The following CPEB3 variants were observed in gnomAD, a reference collection of about 807,000 sequenced individuals.
The protein encoded by CPEB3 is cytoplasmic polyadenylation element-binding protein 3.
A neutral mutation model predicts 67.2 loss-of-function variants in CPEB3; 20 were observed. The ratio of observed to expected loss-of-function variants is 0.30; its 90% CI spans 0.21 to 0.43. The LOEUF (loss-of-function observed/expected upper bound fraction) is 0.43, where lower values mean the gene tolerates loss of function less well. Ranked by LOEUF, CPEB3 falls within the 20% of genes least tolerant of loss-of-function variation. The pLI, the probability that CPEB3 is intolerant of heterozygous loss-of-function variation, is 1.00. For synonymous variants in CPEB3, 376 were observed against 393.1 expected (o/e 0.96, Z 0.51); for missense variants, 746 against 968.6 (o/e 0.77, Z 3.05).
chr10:92,289,732 A>AAAAAAAAATATATATAT, intron 1 of CPEB3, among the ~76,000 whole-genome samples: 2 of 75,766 alleles, frequency 2.6e-5, no homozygotes, highest in African/African-American at 5.1e-5. Flanking sequence ...AAAAAAAAAA[A>AAAAAAAAATATATATAT]ATATATATAT....
intron 1 of CPEB3, among the ~76,000 whole-genome samples, chr10:92,279,774 G>T (rs1842173142): frequency 6.6e-6 from 1 of 152,140 alleles, no homozygotes. Context: ...GGCCAAGATG[G>T]GTGGATCGCT....
intron 2 of CPEB3, among the ~76,000 whole-genome samples, chr10:92,199,022 A>G (rs955282221): frequency 6.6e-6 from 1 of 152,256 alleles, no homozygotes; most frequent in Non-Finnish European, 1.5e-5. Context: ...CCTAAGGAAG[A>G]GTTTTCTATT....
chr10:92,163,748 T>C (rs1368172930), intron 4 of CPEB3, among the ~76,000 whole-genome samples: 1 of 152,226 alleles, frequency 6.6e-6, no homozygotes, highest in Non-Finnish European at 1.5e-5. Flanking sequence ...TGTTTGATGT[T>C]TGATAGCATT....
chr10:92,154,297 T>C (rs910245412), intron 4 of CPEB3, among the ~76,000 whole-genome samples: 1 of 152,218 alleles, frequency 6.6e-6, no homozygotes, highest in African/African-American at 2.4e-5. Context: ...TCAAGGTTTG[T>C]CTACTGGAAC....
intron 2 of CPEB3, among the ~76,000 whole-genome samples, chr10:92,236,368 A>G (rs1458997168): frequency 6.6e-6 from 1 of 152,204 alleles, no homozygotes; most frequent in Non-Finnish European, 1.5e-5. Flanking sequence ...AGTAATCCCT[A>G]AGAAAGCAGC....
Position 92,140,702 on chromosome 10 carries a change from A to C in CPEB3, c.1453+2327T>G, listed in dbSNP as rs1361035346. 2.8e-3 allele frequency among the ~76,000 whole-genome samples: 384 copies of C among 138,126 alleles called. 3 individuals carry two copies. The highest frequency in any genetic ancestry group is 4.5e-3 in the Non-Finnish European group (291 of 64,258). The allele number at this position is 138,126 out of a possible 152,430, so 90.6% of individuals were successfully genotyped here. ...ATCAGAGTGAACAGGCAACCTACAA[A>C]ATGGGAGAAAATTTTTGCAACCTAC... On this transcript the variant is annotated intron_variant, in intron 6 of 9. Transcript: ENST00000265997.
chr10:92,199,895 C>CAG lies in CPEB3; in HGVS notation c.1006-7261_1006-7260dup, dbSNP rs34608647. Among the ~76,000 whole-genome samples the CAG allele has an allele frequency of 6.0e-3, 889 of 148,222 alleles. 5 individuals carry two copies. The highest frequency in any genetic ancestry group is 0.015 in the East Asian group (77 of 4,974). On this transcript the variant is annotated intron_variant, in intron 2 of 9. Transcript: ENST00000265997. Reference sequence around the variant, plus strand: ...ACGAACCTATTTTTCTCCAAACACACAGAGAGAGAGAGAGAGAGAGAGAGA... The same window carrying CAG: ...ACGAACCTATTTTTCTCCAAACACACAGAGAGAGAGAGAGAGAGAGAGAGAGA...
intron 1 of CPEB3, among the ~76,000 whole-genome samples, chr10:92,267,795 CA>C (rs1226091314): frequency 1.3e-5 from 2 of 152,106 alleles, no homozygotes; most frequent in African/African-American, 4.8e-5. Context: ...CGTTTAAAAT[CA>C]AAAGAGCTTG....
chr10:92,094,824 C>T (rs1843784692), intron 7 of CPEB3, among the ~76,000 whole-genome samples: 1 of 151,840 alleles, frequency 6.6e-6, no homozygotes, highest in African/African-American at 2.4e-5. Flanking sequence ...CACACACACA[C>T]ACACACACAC....
Position 92,111,130 on chromosome 10 carries a change from T to G in CPEB3, c.1518A>C (p.Glu506Asp). Residue 506 changes from glutamate to aspartate, a missense_variant, in exon 7 of 10, where the codon GAA becomes GAC. Glu to Asp is a conservative substitution (Grantham distance 45). Coordinates refer to ENST00000265997, the MANE Select transcript of CPEB3 (RefSeq NM_014912.5). ...SVQALIDACL[E>D]EDGKLYLCVS... is the part of the protein sequence containing the mutation. ...CACACAGGTAGAGTTTCCCATCTTC[T>G]TCTAGGCAGGCATCTATCAAAGCTT... 2 of 1,614,182 alleles carry G rather than the reference T, an allele frequency of 1.2e-6. No homozygotes were observed. Among genetic ancestry groups the G allele is most frequent in the Non-Finnish European group, 1.7e-6 (2 of 1,180,030 alleles).
intron 4 of CPEB3, among the ~76,000 whole-genome samples, chr10:92,166,337 G>T (rs752989454): frequency 3.9e-5 from 6 of 151,984 alleles, no homozygotes; most frequent in Non-Finnish European, 8.8e-5. Flanking sequence ...TCAAACTCTC[G>T]ACCTCAGGTG....
intron 2 of CPEB3, among the ~76,000 whole-genome samples, chr10:92,222,458 GA>G (rs1288807611): frequency 6.6e-6 from 1 of 152,068 alleles, no homozygotes; most frequent in Non-Finnish European, 1.5e-5. Context: ...TTTGAATTTA[GA>G]AAAAGCTAGA....
intron 9 of CPEB3, among the ~76,000 whole-genome samples, chr10:92,058,599 A>G (rs1842210801): frequency 6.7e-6 from 1 of 149,458 alleles, no homozygotes. Context: ...ATACATATAT[A>G]TATATATATA....
intron 4 of CPEB3, among the ~76,000 whole-genome samples, chr10:92,159,818 T>C (rs1847381793): frequency 6.6e-6 from 1 of 152,218 alleles, no homozygotes; most frequent in Admixed American, 6.5e-5. Context: ...GGCATCAGAC[T>C]TGCCCTCACT....
At chr10:92,145,395 G>C (rs1243935426) in intron 4 of CPEB3, among the ~76,000 whole-genome samples, 1 of 152,166 alleles carries the variant, frequency 6.6e-6, no homozygotes, top group African/African-American at 2.4e-5. Context: ...TTGGGAGGCT[G>C]AGGTGGGCGC....
intron 3 of CPEB3, among the ~76,000 whole-genome samples, chr10:92,184,960 C>T (rs1043698691): frequency 6.6e-6 from 1 of 152,088 alleles, no homozygotes; most frequent in African/African-American, 2.4e-5. Flanking sequence ...TAACTTAATA[C>T]ATTGTATATC....
At chr10:92,182,931 A>G (rs1283929097) in intron 3 of CPEB3, among the ~76,000 whole-genome samples, 1 of 152,130 alleles carries the variant, frequency 6.6e-6, no homozygotes. Flanking sequence ...TCTTAAATAC[A>G]TCCATAAATA....
intron 9 of CPEB3, among the ~76,000 whole-genome samples, chr10:92,076,577 T>C (rs1842942464): frequency 6.6e-6 from 1 of 151,920 alleles, no homozygotes. Flanking sequence ...TTGGCTAATT[T>C]AAAAAAACTC....
At position 92,197,874 on chromosome 10, in the gene CPEB3, C is replaced by T. The variant is rs908638827; in HGVS notation, c.1006-5238G>A. ...CTGTAATCCCAGCACTTTGGGAGGCCGAGGTGGGCAGATTGCAACGTCGGG... is the reference window on the plus strand; with the variant it reads ...CTGTAATCCCAGCACTTTGGGAGGCTGAGGTGGGCAGATTGCAACGTCGGG... On this transcript the variant is annotated intron_variant, in intron 2 of 9. Coordinates refer to ENST00000265997, the MANE Select transcript of CPEB3 (RefSeq NM_014912.5). 1.3e-5 allele frequency among the ~76,000 whole-genome samples: 2 copies of T among 152,048 alleles called. 1 individual carries two copies. Among genetic ancestry groups the T allele is most frequent in the East Asian group, 3.9e-4 (2 of 5,190 alleles).
Sources: gnomAD v4.1 joint callset for allele counts (sites outside exome capture counted in the v4.1 genomes callset) on GRCh38, gnomAD v4.1.1 for gene constraint, MANE v1.5 for transcripts, NCBI Gene and HGNC (gene_info 2026-07-23, HGNC 2026-07-21) for gene names.